Variants in DOCK4 observed in about 807,000 individuals in gnomAD.
The protein encoded by DOCK4 is dedicator of cytokinesis protein 4.
DOCK4 carries 97 observed loss-of-function variants against 268.1 expected under a neutral mutation model. The observed-to-expected ratio is 0.36, with a 90% CI of 0.31 to 0.43. DOCK4 has a LOEUF of 0.43. Ranked by LOEUF, DOCK4 falls within the 20% of genes least tolerant of loss-of-function variation. DOCK4 has a pLI of 1.00. For missense variants in DOCK4, 2,145 were observed against 2,455.7 expected, an observed-to-expected ratio of 0.87 and a Z score of 2.67; for synonymous variants, 954 against 887.2, an observed-to-expected ratio of 1.08 and a Z score of -1.34.
intron 1 of DOCK4, among the ~76,000 whole-genome samples, chr7:112,022,363 C>T (rs1176822772): frequency 1.3e-5 from 2 of 152,148 alleles, no homozygotes; most frequent in Non-Finnish European, 2.9e-5. Context: ...AGCAATTTGC[C>T]AAAGGTCACA....
intron 1 of DOCK4, among the ~76,000 whole-genome samples, chr7:112,075,790 A>AG (rs890037572): frequency 5.4e-4 from 83 of 152,294 alleles, no homozygotes; most frequent in Middle Eastern, 3.4e-3. Context: ...TTAAAAAAAA[A>AG]AAACTTACAG....
At chr7:112,197,238 G>A (rs750745962) in intron 1 of DOCK4, among the ~76,000 whole-genome samples, 2 of 151,128 alleles carry the variant, frequency 1.3e-5, no homozygotes, top group African/African-American at 4.9e-5. Flanking sequence ...TTTTTCAGGA[G>A]TGCCATAGTA....
At chr7:112,087,212 C>T (rs1420000284) in intron 1 of DOCK4, among the ~76,000 whole-genome samples, 1 of 152,110 alleles carries the variant, frequency 6.6e-6, no homozygotes, top group Non-Finnish European at 1.5e-5. Flanking sequence ...TCAATCAGGA[C>T]AGACTTATGT....
intron 1 of DOCK4, among the ~76,000 whole-genome samples, chr7:112,100,313 A>G (rs1810559822): frequency 6.6e-6 from 1 of 152,264 alleles, no homozygotes; most frequent in South Asian, 2.1e-4. Context: ...TGGCACTCCC[A>G]TGAGATTCAC....
At chr7:111,842,278 G>T (rs137914403) in intron 25 of DOCK4, among the ~76,000 whole-genome samples, 1 of 150,838 alleles carries the variant, frequency 6.6e-6, no homozygotes, top group African/African-American at 2.4e-5. Context: ...TTTCTTTTTT[G>T]CCTCGTATAT....
At chr7:111,976,161 A>AAAAAT (rs1554400643) in intron 8 of DOCK4, among the ~76,000 whole-genome samples, 1 of 34,014 alleles carries the variant, frequency 2.9e-5, no homozygotes, top group African/African-American at 1.5e-4. Context: ...AAAAAAAAAA[A>AAAAAT]ATATATATAT....
intron 7 of DOCK4, among the ~76,000 whole-genome samples, chr7:111,983,862 G>GCGCGCGCGCA: frequency 1.4e-5 from 2 of 138,560 alleles, no homozygotes; most frequent in African/African-American, 2.8e-5. Flanking sequence ...GCGCGCGCGC[G>GCGCGCGCGCA]CACACACACA....
chr7:111,739,938 G>A, intron 47 of DOCK4: 1 of 309,446 alleles, frequency 3.2e-6, no homozygotes, highest in Non-Finnish European at 6.4e-6. Flanking sequence ...TATCATAAAT[G>A]CCATATTAGT....
chr7:111,745,341 C>T (rs1389570267), intron 44 of DOCK4, among the ~76,000 whole-genome samples: 1 of 152,156 alleles, frequency 6.6e-6, no homozygotes, highest in African/African-American at 2.4e-5. Flanking sequence ...ATTCATGCCT[C>T]ATATTTGGAG....
intron 12 of DOCK4, among the ~76,000 whole-genome samples, chr7:111,933,010 G>A (rs1378813420): frequency 2.0e-5 from 3 of 150,802 alleles, no homozygotes; most frequent in African/African-American, 4.9e-5. Flanking sequence ...TACTGAGGGG[G>A]TATTGAAATT....
Position 111,800,253 on chromosome 7 carries a change from T to C in DOCK4, c.3166+8568A>G, listed in dbSNP as rs143889068. Among the ~76,000 whole-genome samples the C allele has an allele frequency of 1.4e-3, 209 of 150,682 alleles. 6 individuals are homozygous for C. In the East Asian group the frequency reaches 0.034, roughly 25 times the overall value. On this transcript the variant is annotated intron_variant, in intron 30 of 52. Coordinates refer to ENST00000428084, the MANE Select transcript of DOCK4 (RefSeq NM_001363540.2). ...AAAAAAAAACAGCAACAACAACAACTGGTTATTTGAAGGAAAGATGTTTAG... is the reference window on the plus strand; with the variant it reads ...AAAAAAAAACAGCAACAACAACAACCGGTTATTTGAAGGAAAGATGTTTAG...
intron 1 of DOCK4, among the ~76,000 whole-genome samples, chr7:112,098,251 T>G (rs1427710655): frequency 6.6e-6 from 1 of 152,122 alleles, no homozygotes; most frequent in Non-Finnish European, 1.5e-5. Flanking sequence ...CGATCTTGGT[T>G]CACTGCAACC....
intron 42 of DOCK4, among the ~76,000 whole-genome samples, chr7:111,753,005 T>TGCGG (rs1554581792): frequency 9.5e-6 from 1 of 105,166 alleles, no homozygotes; most frequent in Admixed American, 1.1e-4. Flanking sequence ...GATAAGCTAT[T>TGCGG]GGGGGGGGGG....
chr7:112,044,731 A>C lies in DOCK4; in HGVS notation c.38-40600T>G, dbSNP rs552029989. ...TCTTGCACTAGTTGTTCAGGCCCCA[A>C]ACCTTTTTTTTTCTCATCATACCTT... On this transcript the variant is annotated intron_variant, in intron 1 of 52. Coordinates refer to ENST00000428084, the MANE Select transcript of DOCK4 (RefSeq NM_001363540.2). Among the ~76,000 whole-genome samples the C allele has an allele frequency of 2.0e-5, 3 of 151,866 alleles. 1 individual carries two copies. The South Asian group carries it at 6.2e-4, about 32-fold the overall frequency.
At chr7:112,176,506 A>G (rs1191874563) in intron 1 of DOCK4, among the ~76,000 whole-genome samples, 2 of 152,184 alleles carry the variant, frequency 1.3e-5, no homozygotes, top group African/African-American at 4.8e-5. Context: ...TAACAATATA[A>G]AATTTTTAGT....
chr7:111,807,039 AATGC>A (rs1800726165), intron 30 of DOCK4, among the ~76,000 whole-genome samples: 1 of 152,204 alleles, frequency 6.6e-6, no homozygotes, highest in Admixed American at 6.5e-5. Flanking sequence ...CATGGGCCTA[AATGC>A]ATAGCTATTA....
At chr7:111,945,936 AG>A in intron 8 of DOCK4, 138 bp from the exon 9 acceptor site, 1 of 649,474 alleles carries the variant, frequency 1.5e-6, no homozygotes, top group East Asian at 2.8e-5. Flanking sequence ...TATATAAATT[AG>A]GAGAGCTCCG....
intron 1 of DOCK4, among the ~76,000 whole-genome samples, chr7:112,030,486 C>G (rs1477889036): frequency 6.6e-6 from 1 of 152,200 alleles, no homozygotes. Flanking sequence ...GTAGTGAACA[C>G]ACATTGTTGG....
intron 1 of DOCK4, among the ~76,000 whole-genome samples, chr7:112,063,078 G>A (rs1193430024): frequency 6.6e-6 from 1 of 152,160 alleles, no homozygotes; most frequent in Non-Finnish European, 1.5e-5. Flanking sequence ...GAAAATTCAG[G>A]TAGAGTCCTC....
Sources: gnomAD v4.1 joint callset for allele counts (sites outside exome capture counted in the v4.1 genomes callset) on GRCh38, gnomAD v4.1.1 for gene constraint, MANE v1.5 for transcripts, NCBI Gene and HGNC (gene_info 2026-07-23, HGNC 2026-07-21) for gene names.